Variants in ZBTB20 observed in about 807,000 individuals in gnomAD.
ZBTB20 encodes zinc finger and BTB domain containing 20.
ZBTB20 carries 9 observed loss-of-function variants against 56.9 expected under a neutral mutation model. That is an observed-to-expected ratio of 0.16 (90% CI 0.10 to 0.28). The LOEUF (loss-of-function observed/expected upper bound fraction) is 0.28. ZBTB20 is among the 10% of genes least tolerant of loss of function. The pLI is 1.00. For missense variants in ZBTB20, 655 were observed against 1,003.0 expected (o/e 0.65, Z 4.69); for synonymous variants, 417 against 420.7 (o/e 0.99, Z 0.11).
intron 4 of ZBTB20, among the ~76,000 whole-genome samples, chr3:114,845,368 T>C (rs1328046467): frequency 2.0e-5 from 3 of 148,310 alleles, no homozygotes; most frequent in Admixed American, 1.4e-4. Context: ...GTTTGATCGA[T>C]ACAAGGACCC....
intron 10 of ZBTB20, among the ~76,000 whole-genome samples, chr3:114,368,423 G>A (rs558367626): frequency 1.3e-5 from 2 of 152,240 alleles, no homozygotes; most frequent in South Asian, 2.1e-4. Flanking sequence ...AAGGCATATC[G>A]GAGGGACCCG....
chr3:114,712,111 T>C (rs1560157442), intron 5 of ZBTB20, among the ~76,000 whole-genome samples: 1 of 152,206 alleles, frequency 6.6e-6, no homozygotes, highest in African/African-American at 2.4e-5. Context: ...GATTATCAGA[T>C]GTTAGGTGAT....
chr3:114,762,308 T>A (rs1030764655), intron 5 of ZBTB20, among the ~76,000 whole-genome samples: 11 of 152,180 alleles, frequency 7.2e-5, no homozygotes, highest in African/African-American at 2.4e-4. Flanking sequence ...TTTCAAATAA[T>A]CCCATGCTGC....
rs541148131 is a variant in ZBTB20, at chr3:114,933,850, A to C, written c.-455-33508T>G. Among the ~76,000 whole-genome samples the C allele has an allele frequency of 3.3e-5, 5 of 152,228 alleles. No individual in the cohort carries two copies. In the East Asian group the frequency reaches 9.6e-4, roughly 29 times the overall value. On this transcript the variant is annotated intron_variant, in intron 3 of 11. Transcript: ENST00000675478. ...ATTTCAAAACTTCCCACTTTTATTAAATCTTCTATTCCACCTACCCCTCCC... is the reference window on the plus strand; with the variant it reads ...ATTTCAAAACTTCCCACTTTTATTACATCTTCTATTCCACCTACCCCTCCC...
chr3:114,481,488 C>A (rs1303722240), intron 7 of ZBTB20, among the ~76,000 whole-genome samples: 1 of 152,162 alleles, frequency 6.6e-6, no homozygotes, highest in Non-Finnish European at 1.5e-5. Flanking sequence ...GTGAGAATCC[C>A]TCCCCGATTT....
chr3:114,888,572 A>T (rs2076692131), intron 4 of ZBTB20, among the ~76,000 whole-genome samples: 1 of 152,216 alleles, frequency 6.6e-6, no homozygotes, highest in Admixed American at 6.5e-5. Flanking sequence ...TTCAGAGAGT[A>T]AATATACCTA....
At chr3:114,866,713 TC>T (rs2075778464) in intron 4 of ZBTB20, among the ~76,000 whole-genome samples, 1 of 152,072 alleles carries the variant, frequency 6.6e-6, no homozygotes, top group South Asian at 2.1e-4. Context: ...GCTGGAACAT[TC>T]CTTTTTTTTT....
At chr3:114,535,812 T>A (rs1559925731) in intron 6 of ZBTB20, among the ~76,000 whole-genome samples, 1 of 152,204 alleles carries the variant, frequency 6.6e-6, no homozygotes, top group Non-Finnish European at 1.5e-5. Flanking sequence ...GTTGGCTTCA[T>A]CCCTGGGACT....
chr3:114,660,999 G>T (rs1180634442), intron 6 of ZBTB20, among the ~76,000 whole-genome samples: 3 of 152,104 alleles, frequency 2.0e-5, no homozygotes, highest in Non-Finnish European at 4.4e-5. Context: ...AATCAGGATT[G>T]TTCATGTGGA....
intron 1 of ZBTB20, among the ~76,000 whole-genome samples, chr3:115,073,799 T>A (rs2082498306): frequency 6.8e-6 from 1 of 148,108 alleles, no homozygotes; most frequent in African/African-American, 2.5e-5. Flanking sequence ...TCCCTAAGAA[T>A]TATAAAATAT....
chr3:114,597,880 T>C (rs1301477515), intron 6 of ZBTB20, among the ~76,000 whole-genome samples: 1 of 152,186 alleles, frequency 6.6e-6, no homozygotes, highest in African/African-American at 2.4e-5. Context: ...CTTTTCTTTT[T>C]TATGTTAGGA....
chr3:115,049,309 G>T (rs548080802), intron 2 of ZBTB20, among the ~76,000 whole-genome samples: 1 of 152,024 alleles, frequency 6.6e-6, no homozygotes, highest in South Asian at 2.1e-4. Context: ...AGGAGTATCT[G>T]GTGGTTACTT....
At chr3:114,950,860 T>C (rs866825593) in intron 3 of ZBTB20, among the ~76,000 whole-genome samples, 1 of 152,232 alleles carries the variant, frequency 6.6e-6, no homozygotes, top group South Asian at 2.1e-4. Flanking sequence ...AAAATAGTTT[T>C]AAAATCTGCA....
At position 114,332,681 on chromosome 3, in the gene ZBTB20, C is replaced by A. The variant is rs2079305306; in HGVS notation, c.*6324G>T. On this transcript the variant is annotated 3_prime_UTR_variant, in exon 12 of 12. Transcript: ENST00000675478. Reference sequence around the variant, plus strand: ...CTTCAGAGCCTTCTCATTTCTATATCTTTTATCCTCTTCCCAGGGCTTTCT... The same window carrying A: ...CTTCAGAGCCTTCTCATTTCTATATATTTTATCCTCTTCCCAGGGCTTTCT... The A allele has an allele frequency of 6.6e-6, 1 of 152,208 alleles. No individual in the cohort carries two copies. Among genetic ancestry groups the A allele is most frequent in the South Asian group, 2.1e-4 (1 of 4,838 alleles). 9.4% of individuals were successfully genotyped at this position (152,208 alleles called of 1,614,324 possible).
At chr3:115,036,948 G>A (rs1180060132) in intron 2 of ZBTB20, among the ~76,000 whole-genome samples, 2 of 152,134 alleles carry the variant, frequency 1.3e-5, no homozygotes, top group African/African-American at 4.8e-5. Flanking sequence ...ATATAATTTA[G>A]TTTCATCACA....
chr3:114,813,321 AACAG>A (rs2072691471), intron 4 of ZBTB20, among the ~76,000 whole-genome samples: 1 of 151,512 alleles, frequency 6.6e-6, no homozygotes, highest in African/African-American at 2.4e-5. Flanking sequence ...TAAATATTTA[AACAG>A]ATTTCTGTTC....
chr3:115,020,219 A>C (rs1388946896), intron 2 of ZBTB20, among the ~76,000 whole-genome samples: 2 of 151,132 alleles, frequency 1.3e-5, no homozygotes, highest in African/African-American at 4.8e-5. Context: ...TTAGTGTTTT[A>C]TTGCTTATTC....
rs199505468 is a variant in ZBTB20 at position 115,058,425 on chromosome 3, T to TCAAATTTG, written c.-507+12786_-507+12793dup. Among the ~76,000 whole-genome samples, 606 of 152,198 alleles carry TCAAATTTG rather than the reference T, an allele frequency of 4.0e-3. 14 individuals carry two copies. Among genetic ancestry groups the TCAAATTTG allele is most frequent in the Admixed American group, 0.035 (535 of 15,272 alleles). ...TAGATCTTTGTAAATACAGTTTTAG[T>TCAAATTTG]CAAATTTGAAATATTTTCAGTGGCC... On this transcript the variant is annotated intron_variant, in intron 2 of 11. Coordinates refer to ENST00000675478, the MANE Select transcript of ZBTB20 (RefSeq NM_001348800.3).
chr3:114,360,861 G>A (rs1346617872), intron 10 of ZBTB20, among the ~76,000 whole-genome samples: 1 of 151,872 alleles, frequency 6.6e-6, no homozygotes, highest in Admixed American at 6.6e-5. Context: ...CCAGGCACGG[G>A]AAATCATTAA....
Sources: allele counts gnomAD v4.1 joint callset (sites outside exome capture counted in the v4.1 genomes callset), GRCh38; gene constraint gnomAD v4.1.1; transcripts MANE v1.5; gene names NCBI Gene and HGNC (gene_info 2026-07-23, HGNC 2026-07-21).